The following FBRSL1 variants were observed in gnomAD, a reference collection of about 807,000 sequenced individuals.
The protein encoded by FBRSL1 is fibrosin like 1.
Under a neutral mutation model 89.6 loss-of-function variants are expected in FBRSL1, and 51 were observed. The ratio of observed to expected loss-of-function variants is 0.57; its 90% confidence interval spans 0.45 to 0.72. The LOEUF is 0.72. Among genes scored for constraint, FBRSL1 ranks in the 30% least tolerant of loss-of-function variants. The pLI is 0.00. For synonymous variants in FBRSL1, 779 were observed against 681.1 expected (o/e 1.14, Z -2.24); for missense variants, 1,618 against 1,451.8 (o/e 1.11, Z -1.86).
chr12:132,579,434 C>T (rs981895999), intron 15 of FBRSL1, among the ~76,000 whole-genome samples: 2 of 152,344 alleles, frequency 1.3e-5, no homozygotes, highest in East Asian at 1.9e-4. Context: ...TTGTAAGTTA[C>T]ATTCTTAAGC....
At chr12:132,576,766 G>A (rs1186586031) in intron 14 of FBRSL1, 33 bp from the exon 15 acceptor site, 9 of 1,541,278 alleles carry the variant, frequency 5.8e-6, no homozygotes, top group Non-Finnish European at 7.9e-6. Flanking sequence ...CCAGTCCCCG[G>A]GCAGGCGGCC....
At chr12:132,517,701 A>C (rs2136767619) in intron 2 of FBRSL1, among the ~76,000 whole-genome samples, 1 of 152,226 alleles carries the variant, frequency 6.6e-6, no homozygotes, top group East Asian at 1.9e-4. Context: ...TGAGGAGCCG[A>C]GCGGGCATGG....
chr12:132,508,057 G>A, intron 1 of FBRSL1, 96 bp from the exon 2 acceptor site: 1 of 1,262,850 alleles, frequency 7.9e-7, no homozygotes, highest in African/African-American at 1.5e-5. Context: ...CCCAAGTGGG[G>A]AGGCTCCTTC....
At chr12:132,519,616 A>C (rs1348188673) in intron 2 of FBRSL1, among the ~76,000 whole-genome samples, 1 of 152,202 alleles carries the variant, frequency 6.6e-6, no homozygotes, top group Non-Finnish European at 1.5e-5. Context: ...GGTGCTAAGA[A>C]GTGGCTACCC....
intron 14 of FBRSL1, among the ~76,000 whole-genome samples, 176 bp downstream of exon 14, chr12:132,574,740 C>T (rs750156471): frequency 1.3e-5 from 2 of 152,038 alleles, no homozygotes; most frequent in South Asian, 4.2e-4. Flanking sequence ...AGCAGGTCAG[C>T]GAGGCCACAG....
chr12:132,556,702 G>GCC (rs2038689415), intron 5 of FBRSL1, among the ~76,000 whole-genome samples: 1 of 100,526 alleles, frequency 9.9e-6, no homozygotes, highest in African/African-American at 4.8e-5. Flanking sequence ...CCTTCATGCT[G>GCC]CCTCCAACCC....
chr12:132,525,995 C>T (rs1324563913), intron 3 of FBRSL1, among the ~76,000 whole-genome samples, 172 bp downstream of exon 3: 3 of 152,272 alleles, frequency 2.0e-5, no homozygotes, highest in Non-Finnish European at 2.9e-5. Flanking sequence ...CAAGGGCGTC[C>T]AGGAAGCCGC....
At chr12:132,559,456 A>G (rs1274882192) in intron 5 of FBRSL1, among the ~76,000 whole-genome samples, 4 of 152,186 alleles carry the variant, frequency 2.6e-5, no homozygotes, top group African/African-American at 7.2e-5. Flanking sequence ...CAGTGGTGCA[A>G]TCTCGGCTCA....
intron 1 of FBRSL1, chr12:132,507,156 TG>T (rs34376365): frequency 0.066 from 64,900 of 979,768 alleles, 2,299 homozygotes; most frequent in Non-Finnish European, 0.073. Context: ...TGGCCCTCCG[TG>T]GGGGCGGATC....
chr12:132,536,119 G>A (rs1159191791), intron 4 of FBRSL1, among the ~76,000 whole-genome samples: 2 of 149,648 alleles, frequency 1.3e-5, no homozygotes, highest in African/African-American at 5.0e-5. Flanking sequence ...GTACATGACA[G>A]TGTGCCATGT....
At chr12:132,530,661 T>G (rs1469957188) in intron 4 of FBRSL1, among the ~76,000 whole-genome samples, 1 of 148,724 alleles carries the variant, frequency 6.7e-6, no homozygotes, top group African/African-American at 2.5e-5. Flanking sequence ...ACTTGCCAGC[T>G]GCTTGCAGCT....
intron 15 of FBRSL1, among the ~76,000 whole-genome samples, chr12:132,578,343 T>TCA (rs3221291): frequency 0.033 from 4,652 of 141,096 alleles, 115 homozygotes; most frequent in East Asian, 0.15. Context: ...AGACCCTGTC[T>TCA]CACACACACA....
At chr12:132,580,017 T>C (rs1049987037) in intron 15 of FBRSL1, among the ~76,000 whole-genome samples, 1 of 152,220 alleles carries the variant, frequency 6.6e-6, no homozygotes, top group Non-Finnish European at 1.5e-5. Context: ...CAATTCTTAA[T>C]GTTGCTTGGC....
In FBRSL1 at chr12:132,548,166, A is replaced by T. The variant is rs796389063; in HGVS notation, c.645+134A>T. On this transcript the variant is annotated intron_variant, in intron 5 of 18. Transcript: ENST00000680143. ...GGGGATCCCCCCGCCCGGTGGGTGCAGGGGGCTTGTGGCCTCCCAGGTATG... is the reference window on the plus strand; with the variant it reads ...GGGGATCCCCCCGCCCGGTGGGTGCTGGGGGCTTGTGGCCTCCCAGGTATG... 109 of 1,090,380 alleles carry T rather than the reference A, an allele frequency of 1.0e-4. No individual in the cohort carries two copies. In the African/African-American group the frequency reaches 1.5e-3, roughly 15 times the overall value. The allele number at this position is 1,090,380 out of a possible 1,614,324, so 67.5% of individuals were successfully genotyped here.
At chr12:132,494,047 G>C (rs1233414081) in intron 1 of FBRSL1, among the ~76,000 whole-genome samples, 2 of 152,192 alleles carry the variant, frequency 1.3e-5, no homozygotes, top group Non-Finnish European at 2.9e-5. Flanking sequence ...CGGCGCGGCA[G>C]ACCTGAGCCA....
At chr12:132,537,000 T>C (rs1270476659) in intron 4 of FBRSL1, among the ~76,000 whole-genome samples, 1 of 151,636 alleles carries the variant, frequency 6.6e-6, no homozygotes, top group Non-Finnish European at 1.5e-5. Context: ...CACTCGGGGG[T>C]CTTCAGGCTG....
chr12:132,495,659 GC>G (rs1187666065), intron 1 of FBRSL1, among the ~76,000 whole-genome samples: 1 of 152,238 alleles, frequency 6.6e-6, no homozygotes, highest in Non-Finnish European at 1.5e-5. Context: ...ACAATGAGGG[GC>G]TGCCTGGAAG....
rs2040804990 is a variant in FBRSL1, at chr12:132,582,185, C to T, written c.2120C>T (p.Pro707Leu). Residue 707 changes from proline to leucine, a missense_variant, in exon 18 of 19, where the codon CCC becomes CTC. Coordinates refer to ENST00000680143, the MANE Select transcript of FBRSL1 (RefSeq NM_001367871.1). ...TCCTTCCCGGCTCCGCCCCCGTGGC[C>T]CAAGTCCGTGGACGCGGAGCGGGTG... Reference protein sequence around the residue: ...PPSFPAPPPWPKSVDAERVSA... With the variant: ...PPSFPAPPPWLKSVDAERVSA... 3 of 1,550,070 alleles carry T rather than the reference C, an allele frequency of 1.9e-6. No individual in the cohort carries two copies. The highest frequency in any genetic ancestry group is 2.6e-6 in the Non-Finnish European group (3 of 1,146,876).
rs2040964934 is a variant in FBRSL1 at position 132,583,798 on chromosome 12, T to TA, written c.*20_*21insA. 4.2e-6 allele frequency: 5 copies of TA among 1,196,602 alleles called. No homozygotes were observed. Among genetic ancestry groups the TA allele is most frequent in the Non-Finnish European group, 5.2e-6 (5 of 962,006 alleles). 74.1% of individuals were successfully genotyped at this position (1,196,602 alleles called of 1,614,324 possible). A position where few individuals can be genotyped will look rare whatever the true frequency, so the allele number is the denominator to read the frequency against. ...CGGTAGCCCCGGGGCCGCAGACGCC[T>TA]CTCCGAGCGGAGCGCACCGCTGTCC... On this transcript the variant is annotated 3_prime_UTR_variant, in exon 19 of 19. Coordinates refer to ENST00000680143, the MANE Select transcript of FBRSL1 (RefSeq NM_001367871.1).
Sources: allele counts gnomAD v4.1 joint callset (sites outside exome capture counted in the v4.1 genomes callset), GRCh38; gene constraint gnomAD v4.1.1; transcripts MANE v1.5; gene names NCBI Gene and HGNC (gene_info 2026-07-23, HGNC 2026-07-21).